CNTLN: variants seen among roughly 807,000 people sequenced by gnomAD.
CNTLN encodes centlein.
In CNTLN, 212 loss-of-function variants were observed where a neutral mutation model predicts 180.0. The ratio of observed to expected loss-of-function variants is 1.18; its 90% CI spans 1.05 to 1.32. CNTLN has a LOEUF of 1.32. Among genes scored for constraint, CNTLN ranks in the 40% most tolerant of loss-of-function variants. The pLI, the probability that CNTLN is intolerant of heterozygous loss-of-function variation, is 0.00. For missense variants in CNTLN, 2,095 were observed against 1,610.9 expected, an observed-to-expected ratio of 1.30 and a Z score of -5.14; for synonymous variants, 722 against 563.1, an observed-to-expected ratio of 1.28 and a Z score of -3.99.
chr9:17,272,094 T>TTCCC lies in CNTLN; in HGVS notation c.850-1621_850-1618dup, dbSNP rs538956719. ...TCTGTCCTTTCTTTCCTTCCTTTCT[T>TTCCC]TCCCTCCCTCCCTCCCTCCCTTCCT... On this transcript the variant is annotated intron_variant, in intron 5 of 25. Transcript: ENST00000380647. 8.0e-3 allele frequency among the ~76,000 whole-genome samples: 1,171 copies of TTCCC among 145,540 alleles called. 17 individuals are homozygous for TTCCC. The highest frequency in any genetic ancestry group is 0.026 in the Admixed American group (384 of 14,558).
At chr9:17,423,030 CAG>C (rs1370697355) in intron 18 of CNTLN, among the ~76,000 whole-genome samples, 1 of 152,206 alleles carries the variant, frequency 6.6e-6, no homozygotes, top group African/African-American at 2.4e-5. Flanking sequence ...GATTGCCAGA[CAG>C]AGACTGTCAT....
intron 2 of CNTLN, among the ~76,000 whole-genome samples, chr9:17,149,675 G>A (rs1485744339): frequency 6.6e-6 from 1 of 151,748 alleles, no homozygotes; most frequent in Admixed American, 6.6e-5. Context: ...CCGCCACCAT[G>A]CCTGGCTAAT....
chr9:17,461,958 A>G (rs1480176233), intron 19 of CNTLN, among the ~76,000 whole-genome samples: 1 of 151,834 alleles, frequency 6.6e-6, no homozygotes, highest in Non-Finnish European at 1.5e-5. Context: ...CTGACAACAA[A>G]TACCACAGAA....
intron 9 of CNTLN, among the ~76,000 whole-genome samples, chr9:17,331,226 GTC>G (rs891748260): frequency 1.3e-5 from 2 of 151,648 alleles, no homozygotes; most frequent in African/African-American, 2.4e-5. Context: ...TTAAAATACT[GTC>G]TGTGTGGAAA....
At chr9:17,483,693 G>T (rs569378202) in intron 23 of CNTLN, among the ~76,000 whole-genome samples, 1 of 152,140 alleles carries the variant, frequency 6.6e-6, no homozygotes, top group African/African-American at 2.4e-5. Context: ...CAACTTAAAG[G>T]CTTGTGAAGT....
Position 17,273,806 on chromosome 9 carries a change from T to G in CNTLN, c.923T>G (p.Leu308Ter). ...CAGAGTAAATACAATGCTCTATCAT[T>G]ACAGTTGAGTAATAAACAGACTGAA... ...VSQSKYNALS[L>*]QLSNKQTELI... Residue 308 changes from leucine to a stop codon, truncating the protein, a stop_gained, in exon 6 of 26, where the codon TTA becomes TGA. Coordinates refer to ENST00000380647, the MANE Select transcript of CNTLN (RefSeq NM_017738.4). LOFTEE classifies it high-confidence loss of function. 1 of 1,575,404 alleles carries G rather than the reference T, an allele frequency of 6.3e-7. No individual in the cohort carries two copies. The highest frequency in any genetic ancestry group is 8.6e-7 in the Non-Finnish European group (1 of 1,163,230).
chr9:17,491,912 G>A (rs1176971642), intron 25 of CNTLN, among the ~76,000 whole-genome samples: 2 of 141,010 alleles, frequency 1.4e-5, no homozygotes, highest in African/African-American at 6.4e-5. Flanking sequence ...TATACTACTA[G>A]CCTGAAGGTT....
chr9:17,201,796 T>C (rs1292510682), intron 2 of CNTLN, among the ~76,000 whole-genome samples: 4 of 152,128 alleles, frequency 2.6e-5, no homozygotes, highest in South Asian at 4.1e-4. Context: ...CCTGGATTCA[T>C]TGATTTTTTT....
chr9:17,445,317 G>T (rs1830340034), intron 18 of CNTLN, among the ~76,000 whole-genome samples: 1 of 152,026 alleles, frequency 6.6e-6, no homozygotes, highest in Non-Finnish European at 1.5e-5. Flanking sequence ...GCAAGACTTA[G>T]ATACGGTACA....
At position 17,263,148 on chromosome 9, in the gene CNTLN, C is replaced by T. The variant is rs952868344; in HGVS notation, c.850-10585C>T. On this transcript the variant is annotated intron_variant, in intron 5 of 25. Transcript: ENST00000380647. ...TGTTGGTGTGCTGCACCCATTAAGT[C>T]GTCATTTAGCATTAGGTATATCTCC... Among the ~76,000 whole-genome samples the T allele has an allele frequency of 5.4e-5, 8 of 149,164 alleles. 1 individual carries two copies. The highest frequency in any genetic ancestry group is 1.3e-4 in the African/African-American group (5 of 39,676).
intron 2 of CNTLN, among the ~76,000 whole-genome samples, chr9:17,169,117 C>T (rs557833184): frequency 6.6e-6 from 1 of 152,262 alleles, no homozygotes; most frequent in East Asian, 1.9e-4. Context: ...CCTGCCTCAG[C>T]CTCCCAAGTA....
intron 8 of CNTLN, among the ~76,000 whole-genome samples, chr9:17,310,238 TC>T (rs1365274094): frequency 6.6e-6 from 1 of 152,164 alleles, no homozygotes; most frequent in Non-Finnish European, 1.5e-5. Flanking sequence ...CCACCAAACT[TC>T]TTATCATTTT....
chr9:17,398,002 C>T (rs2133755673), intron 15 of CNTLN, among the ~76,000 whole-genome samples: 1 of 151,812 alleles, frequency 6.6e-6, no homozygotes, highest in African/African-American at 2.4e-5. Flanking sequence ...ATAAGAGTTA[C>T]TTGGATATTG....
At chr9:17,402,800 C>A (rs1827083897) in intron 15 of CNTLN, among the ~76,000 whole-genome samples, 1 of 151,750 alleles carries the variant, frequency 6.6e-6, no homozygotes, top group African/African-American at 2.4e-5. Context: ...GGCAATTGGA[C>A]TGAAGCTACA....
At chr9:17,376,446 T>A (rs966419227) in intron 13 of CNTLN, among the ~76,000 whole-genome samples, 6 of 151,894 alleles carry the variant, frequency 4.0e-5, no homozygotes, top group South Asian at 4.2e-4. Context: ...TTCTTTTTTT[T>A]AAATTTTTTA....
At chr9:17,244,493 T>C (rs1225291197) in intron 5 of CNTLN, among the ~76,000 whole-genome samples, 1 of 152,168 alleles carries the variant, frequency 6.6e-6, no homozygotes, top group African/African-American at 2.4e-5. Context: ...GCTGGGGTTA[T>C]AGGTATGCAC....
At chr9:17,473,463 C>G (rs1832143317) in intron 23 of CNTLN, among the ~76,000 whole-genome samples, 1 of 152,142 alleles carries the variant, frequency 6.6e-6, no homozygotes, top group Admixed American at 6.5e-5. Context: ...TAATACCTCA[C>G]TTTGCACACT....
At chr9:17,445,963 G>A (rs996235211) in intron 18 of CNTLN, among the ~76,000 whole-genome samples, 1 of 152,140 alleles carries the variant, frequency 6.6e-6, no homozygotes, top group Non-Finnish European at 1.5e-5. Context: ...TGGGACCTGC[G>A]GGCAGCAATA....
At chr9:17,192,854 G>A (rs1394332651) in intron 2 of CNTLN, among the ~76,000 whole-genome samples, 2 of 152,150 alleles carry the variant, frequency 1.3e-5, no homozygotes, top group African/African-American at 2.4e-5. Context: ...GTAGTAGTTT[G>A]TTTTCACGCT....
Sources: gnomAD v4.1 joint callset for allele counts (sites outside exome capture counted in the v4.1 genomes callset) on GRCh38, gnomAD v4.1.1 for gene constraint, MANE v1.5 for transcripts, NCBI Gene and HGNC (gene_info 2026-07-23, HGNC 2026-07-21) for gene names.